FARP1: variants seen among roughly 807,000 people sequenced by gnomAD.
FARP1 encodes FERM, ARHGEF and pleckstrin domain-containing protein 1.
In FARP1, 52 loss-of-function variants were observed where a neutral mutation model predicts 128.8. The observed-to-expected ratio is 0.40, with a 90% CI of 0.32 to 0.51. The LOEUF (loss-of-function observed/expected upper bound fraction) is 0.51. Ranked by LOEUF, FARP1 falls within the 20% of genes least tolerant of loss-of-function variation. FARP1 has a pLI of 0.45. For missense variants in FARP1, 1,333 were observed against 1,367.9 expected (o/e 0.97, Z 0.40); for synonymous variants, 580 against 551.8 (o/e 1.05, Z -0.72).
intron 16 of FARP1, among the ~76,000 whole-genome samples, chr13:98,422,744 C>G (rs967760678): frequency 6.6e-6 from 1 of 152,118 alleles, no homozygotes; most frequent in African/African-American, 2.4e-5. Flanking sequence ...CTCTTCTGTT[C>G]GTCAGAAGAT....
At chr13:98,173,560 A>G (rs531776103) in intron 1 of FARP1, among the ~76,000 whole-genome samples, 4 of 152,228 alleles carry the variant, frequency 2.6e-5, no homozygotes, top group Non-Finnish European at 5.9e-5. Flanking sequence ...AGCTGCCTCC[A>G]TAAGTCCATG....
At chr13:98,319,170 GC>G (rs1886880732) in intron 2 of FARP1, among the ~76,000 whole-genome samples, 1 of 151,780 alleles carries the variant, frequency 6.6e-6, no homozygotes, top group African/African-American at 2.4e-5. Flanking sequence ...TTGCTATGTT[GC>G]CCAGGCTGCT....
At chr13:98,190,130 C>G (rs1879126644) in intron 1 of FARP1, among the ~76,000 whole-genome samples, 1 of 152,136 alleles carries the variant, frequency 6.6e-6, no homozygotes, top group African/African-American at 2.4e-5. Context: ...TTGAGTTGAT[C>G]CGCTGAAAAA....
chr13:98,424,315 ATAAT>A (rs768632338), intron 16 of FARP1, among the ~76,000 whole-genome samples: 3 of 152,228 alleles, frequency 2.0e-5, no homozygotes, highest in African/African-American at 7.2e-5. Context: ...GTAGAGTAAA[ATAAT>A]TAAACCAAAT....
chr13:98,427,014 G>A (rs1407649767), intron 17 of FARP1, among the ~76,000 whole-genome samples: 5 of 152,060 alleles, frequency 3.3e-5, no homozygotes, highest in African/African-American at 4.8e-5. Flanking sequence ...TTGCATTGGC[G>A]TGGTGCTCGT....
intron 5 of FARP1, among the ~76,000 whole-genome samples, chr13:98,377,257 A>C (rs1315173679): frequency 6.6e-6 from 1 of 151,342 alleles, no homozygotes; most frequent in Non-Finnish European, 1.5e-5. Context: ...AGGCGAGATC[A>C]CGCCACTGCA....
In FARP1 at chr13:98,390,797, T is replaced by C; in HGVS notation, c.1020-15T>C. ...TTGGTATTTCTCCCCTTCCCTGTTG[T>C]GGTCTCTGTTTCAGTGGTCGGACTC... On this transcript the variant is annotated splice_polypyrimidine_tract_variant and intron_variant, in intron 10 of 26. Coordinates refer to ENST00000319562, the MANE Select transcript of FARP1 (RefSeq NM_005766.4). The C allele has an allele frequency of 6.2e-7, 1 of 1,603,376 alleles. No individual in the cohort carries two copies. Among genetic ancestry groups the C allele is most frequent in the Non-Finnish European group, 8.5e-7 (1 of 1,170,384 alleles).
chr13:98,224,238 G>T (rs1881604224), intron 2 of FARP1, among the ~76,000 whole-genome samples: 2 of 151,992 alleles, frequency 1.3e-5, no homozygotes, highest in Admixed American at 6.6e-5. Context: ...TAAAAAATAG[G>T]CAGTTACGGC....
At chr13:98,186,429 T>C (rs1594245769) in intron 1 of FARP1, among the ~76,000 whole-genome samples, 1 of 152,236 alleles carries the variant, frequency 6.6e-6, no homozygotes, top group East Asian at 1.9e-4. Flanking sequence ...TTTCCATCTT[T>C]CTTCTCTCTC....
In FARP1 at chr13:98,448,392, G is replaced by C. The variant is rs1892996360; in HGVS notation, c.*75G>C. The C allele has an allele frequency of 2.5e-6, 3 of 1,179,564 alleles. No homozygotes were observed. In the Admixed American group the frequency reaches 5.2e-5, roughly 20 times the overall value. 73.1% of individuals were successfully genotyped at this position (1,179,564 alleles called of 1,614,324 possible). A position where few individuals can be genotyped will look rare whatever the true frequency, so the allele number is the denominator to read the frequency against. On this transcript the variant is annotated 3_prime_UTR_variant, in exon 27 of 27. Transcript: ENST00000319562. ...CCTTTCTTCTGTATTAATGAAGCCTGGTAAAATTAACACCTGTCTGAAAAT... is the reference window on the plus strand; with the variant it reads ...CCTTTCTTCTGTATTAATGAAGCCTCGTAAAATTAACACCTGTCTGAAAAT...
At chr13:98,150,351 T>G (rs2139087397) in intron 1 of FARP1, among the ~76,000 whole-genome samples, 1 of 152,340 alleles carries the variant, frequency 6.6e-6, no homozygotes, top group South Asian at 2.1e-4. Flanking sequence ...GTTTTTAATT[T>G]TTTTGTTCAG....
intron 1 of FARP1, among the ~76,000 whole-genome samples, chr13:98,182,412 C>T (rs933129056): frequency 6.6e-6 from 1 of 152,078 alleles, no homozygotes; most frequent in Non-Finnish European, 1.5e-5. Context: ...TGCTGCCTCA[C>T]CCTCCTGGAC....
intron 2 of FARP1, among the ~76,000 whole-genome samples, chr13:98,336,371 G>C (rs1260919043): frequency 6.6e-6 from 1 of 152,142 alleles, no homozygotes; most frequent in Non-Finnish European, 1.5e-5. Context: ...GAGGGTTCAA[G>C]CAATTCTCCT....
chr13:98,167,092 C>T (rs957704809), intron 1 of FARP1, among the ~76,000 whole-genome samples: 10 of 152,146 alleles, frequency 6.6e-5, no homozygotes, highest in African/African-American at 2.2e-4. Context: ...CATTTTCAAA[C>T]GTTGACAACT....
At chr13:98,356,949 T>A (rs1312310784) in intron 3 of FARP1, among the ~76,000 whole-genome samples, 1 of 152,150 alleles carries the variant, frequency 6.6e-6, no homozygotes, top group East Asian at 1.9e-4. Context: ...TTACCCTTTT[T>A]TAAATCCCCA....
At chr13:98,226,940 T>C (rs1487987323) in intron 2 of FARP1, among the ~76,000 whole-genome samples, 4 of 152,060 alleles carry the variant, frequency 2.6e-5, no homozygotes, top group Non-Finnish European at 5.9e-5. Flanking sequence ...CATTTCTTTC[T>C]TTCTTTCTTT....
chr13:98,410,789 G>T lies in FARP1; in HGVS notation c.1658G>T (p.Arg553Leu). 1 of 1,600,962 alleles carries T rather than the reference G, an allele frequency of 6.2e-7. No individual in the cohort carries two copies. Among genetic ancestry groups the T allele is most frequent in the South Asian group, 1.1e-5 (1 of 89,808 alleles). ...GCTAAGGAAGTGTCTACCACCGAGC[G>T]AACATATCTGAAGGATCTCGAAGTT... Reference protein sequence around the residue: ...FIAKEVSTTERTYLKDLEVIT... With the variant: ...FIAKEVSTTELTYLKDLEVIT... Residue 553 changes from arginine (R) to leucine (L), a missense_variant, in exon 15 of 27, where the codon CGA (arginine) becomes CTA (leucine). Transcript: ENST00000319562.
chr13:98,350,425 G>T (rs1232473429), intron 3 of FARP1, among the ~76,000 whole-genome samples: 2 of 152,164 alleles, frequency 1.3e-5, no homozygotes, highest in African/African-American at 4.8e-5. Flanking sequence ...AGTGTCCCCC[G>T]TTACTGACAC....
chr13:98,293,367 A>C (rs1280704659), intron 2 of FARP1, among the ~76,000 whole-genome samples: 1 of 152,172 alleles, frequency 6.6e-6, no homozygotes, highest in Non-Finnish European at 1.5e-5. Context: ...TACTGCTGCC[A>C]GATGACCCAG....
Sources: gnomAD v4.1 joint callset for allele counts (sites outside exome capture counted in the v4.1 genomes callset) on GRCh38, gnomAD v4.1.1 for gene constraint, MANE v1.5 for transcripts, NCBI Gene and HGNC (gene_info 2026-07-23, HGNC 2026-07-21) for gene names.